Variants in SRMS observed in about 807,000 individuals in gnomAD.
SRMS encodes src-related kinase lacking C-terminal regulatory tyrosine and N-terminal myristylation sites.
SRMS carries 42 observed loss-of-function variants against 43.5 expected under a neutral mutation model. The observed-to-expected ratio is 0.97, with a 90% CI of 0.75 to 1.25. SRMS has a LOEUF of 1.25. Ranked by LOEUF, SRMS falls within the 50% of genes most tolerant of loss-of-function variation. The pLI is 0.00. For synonymous variants in SRMS, 316 were observed against 308.2 expected, an observed-to-expected ratio of 1.03 and a Z score of -0.27; for missense variants, 703 against 681.0, an observed-to-expected ratio of 1.03 and a Z score of -0.36.
At chr20:63,541,042 G>T in intron 7 of SRMS, 43 bp from the exon 8 acceptor site, 2 of 1,605,246 alleles carry the variant, frequency 1.2e-6, no homozygotes, top group Non-Finnish European at 1.7e-6. Flanking sequence ...CTGCCTGGGG[G>T]TCCCTATGGA....
Position 63,547,124 on chromosome 20 carries a change from T to A in SRMS, c.340A>T (p.Thr114Ser), listed in dbSNP as rs755388451. The A allele has an allele frequency of 6.3e-7, 1 of 1,592,162 alleles. No homozygotes were observed. The highest frequency in any genetic ancestry group is 8.6e-7 in the Non-Finnish European group (1 of 1,167,146). ...ITHVAKASPE[T>S]LSDQPWYFSG... ...GGTACTCACGGTTGGTCTGAGAGCGTCTCAGGAGAAGCCTTGGCCACGTGG... is the reference window on the plus strand; with the variant it reads ...GGTACTCACGGTTGGTCTGAGAGCGACTCAGGAGAAGCCTTGGCCACGTGG... Residue 114 changes from threonine (T) to serine (S), a missense_variant, in exon 1 of 8, where the codon ACG (threonine) becomes TCG (serine). Thr to Ser is a moderately conservative substitution (Grantham distance 58). Coordinates refer to ENST00000217188, the MANE Select transcript of SRMS (RefSeq NM_080823.4).
chr20:63,543,339 G>C lies in SRMS; in HGVS notation c.620C>G (p.Pro207Arg), dbSNP rs371078120. ...CTGGGGCATGCAGGGCTGCAGCAGG[G>C]GGTTCTGGATCAGCTTCCAGTTGGC... Reference protein sequence around the residue: ...YKANWKLIQNPLLQPCMPQKA... With the variant: ...YKANWKLIQNRLLQPCMPQKA... Residue 207 changes from proline to arginine, a missense_variant, in exon 3 of 8, where the codon CCC (proline) becomes CGC (arginine). By Grantham distance (103) the Pro-to-Arg change is moderately radical. Coordinates refer to ENST00000217188, the MANE Select transcript of SRMS (RefSeq NM_080823.4). 22 of 1,612,592 alleles carry C rather than the reference G, an allele frequency of 1.4e-5. No homozygotes were observed. Among genetic ancestry groups the C allele is most frequent in the Non-Finnish European group, 1.6e-5 (19 of 1,179,954 alleles).
chr20:63,543,670 GC>G, intron 2 of SRMS, 190 bp from the exon 3 acceptor site: 1 of 643,272 alleles, frequency 1.6e-6, no homozygotes, highest in Non-Finnish European at 2.6e-6. Flanking sequence ...AGCGAGAGCG[GC>G]CCAGGTTGGA....
At chr20:63,542,811 G>A (rs900369874) in intron 3 of SRMS, among the ~76,000 whole-genome samples, 9 of 152,150 alleles carry the variant, frequency 5.9e-5, no homozygotes, top group Non-Finnish European at 1.0e-4. Context: ...CCGGATATCC[G>A]TCTACACATG....
Position 63,542,451 on chromosome 20 carries a change from A to G in SRMS, c.776T>C (p.Val259Ala), listed in dbSNP as rs1332103640. 5 of 1,611,408 alleles carry G rather than the reference A, an allele frequency of 3.1e-6. No homozygotes were observed. Among genetic ancestry groups the G allele is most frequent in the Non-Finnish European group, 3.4e-6 (4 of 1,179,348 alleles). Residue 259 changes from valine (V) to alanine (A), a missense_variant, in exon 4 of 8, where the codon GTC becomes GCC. Val to Ala is a moderately conservative substitution (Grantham distance 64). Transcript: ENST00000217188. Reference sequence around the variant, plus strand: ...TCTCGGGGCCTCACCTGACTTGATGACCTTGATCGCCACGGGCAGGGAGCC... The same window carrying G: ...TCTCGGGGCCTCACCTGACTTGATGGCCTTGATCGCCACGGGCAGGGAGCC... ...WLGSLPVAIK[V>A]IKSANMKLTD...
At chr20:63,544,030 A>ATGAG (rs1425396777) in intron 2 of SRMS, among the ~76,000 whole-genome samples, 197 bp downstream of exon 2, 1 of 152,274 alleles carries the variant, frequency 6.6e-6, no homozygotes, top group Non-Finnish European at 1.5e-5. Flanking sequence ...GACTGAATGA[A>ATGAG]TGAGTGGGTG....
rs201488520 is a variant in SRMS, at chr20:63,542,186, C to T, written c.923G>A (p.Gly308Glu). 16 of 1,610,834 alleles carry T rather than the reference C, an allele frequency of 9.9e-6. No homozygotes were observed. The East Asian group carries it at 3.6e-4, about 36-fold the overall frequency. The part of the protein sequence containing the change: ...VYIVTELMRK[G>E]NLQAFLGTPE... ...ACTGCCCAGGAAGGCCTGCAGGTTCCCCTTGCGCATGAGTTCCGTGACGAT... is the reference window on the plus strand; with the variant it reads ...ACTGCCCAGGAAGGCCTGCAGGTTCTCCTTGCGCATGAGTTCCGTGACGAT... Residue 308 changes from glycine to glutamate, a missense_variant, in exon 5 of 8, where the codon GGG (glycine) becomes GAG (glutamate). Coordinates refer to ENST00000217188, the MANE Select transcript of SRMS (RefSeq NM_080823.4).
At position 63,538,747 on chromosome 20, in the gene SRMS, G is replaced by A. The variant is rs1025234871; in HGVS notation, c.*2071C>T. Among the ~76,000 whole-genome samples the A allele has an allele frequency of 6.6e-6, 1 of 151,654 alleles. No individual in the cohort carries two copies. The highest frequency in any genetic ancestry group is 2.4e-5 in the African/African-American group (1 of 41,236). ...GGGGGGTGGGGAATGCGGAAGGAGGGTGCCGGGGCACCTGGCCGGGCAGCG... is the reference window on the plus strand; with the variant it reads ...GGGGGGTGGGGAATGCGGAAGGAGGATGCCGGGGCACCTGGCCGGGCAGCG... On this transcript the variant is annotated 3_prime_UTR_variant, in exon 8 of 8. Coordinates refer to ENST00000217188, the MANE Select transcript of SRMS (RefSeq NM_080823.4).
At position 63,542,146 on chromosome 20, in the gene SRMS, G is replaced by GCAGGGAGGGGACTCACTGCC; in HGVS notation, c.943_946+16dup. 1 of 1,598,742 alleles carries GCAGGGAGGGGACTCACTGCC rather than the reference G, an allele frequency of 6.3e-7. No homozygotes were observed. The highest frequency in any genetic ancestry group is 1.7e-4 in the Middle Eastern group (1 of 6,016). On this transcript the variant is annotated intron_variant, in intron 5 of 7. Transcript: ENST00000217188. ...GCAGGCGCGTCAGGGCCACGTGGCA[G>GCAGGGAGGGGACTCACTGCC]CAGGGAGGGGACTCACTGCCCAGGA...
At position 63,543,193 on chromosome 20, in the gene SRMS, C is replaced by T. The variant is rs754956904; in HGVS notation, c.645+121G>A. The stretch of plus-strand genomic sequence containing the variant: ...ATGCTCCGATGCTCCCAGGCCTGGG[C>T]AGGGCCCTGGAGCTGCGCCTCTGAC... On this transcript the variant is annotated intron_variant, in intron 3 of 7. Transcript: ENST00000217188. 83 of 1,235,520 alleles carry T rather than the reference C, an allele frequency of 6.7e-5. No homozygotes were observed. The Middle Eastern group carries it at 2.5e-3, about 37-fold the overall frequency. The allele number at this position is 1,235,520 out of a possible 1,614,324, so 76.5% of individuals were successfully genotyped here.
chr20:63,541,306 G>C lies in SRMS; in HGVS notation c.1170C>G (p.Val390=), dbSNP rs780170231. ...TGGCCGCCTCAGGCGCTGTCCACTT[G>C]ACCGGGATCTTGGAGCTGCTGCTCG... is the stretch of plus-strand genomic sequence containing the variant. ...YSPSSSSKIP[V]KWTAPEAANY... Residue 390 remains valine (V), a synonymous_variant, in exon 7 of 8, where the codon GTC becomes GTG. Coordinates refer to ENST00000217188, the MANE Select transcript of SRMS (RefSeq NM_080823.4). 1 of 1,551,236 alleles carries C rather than the reference G, an allele frequency of 6.4e-7. No individual in the cohort carries two copies. Among genetic ancestry groups the C allele is most frequent in the Non-Finnish European group, 8.7e-7 (1 of 1,150,918 alleles).
rs190884729 is a variant in SRMS at position 63,547,100 on chromosome 20, G to T, written c.356+8C>A. On this transcript the variant is annotated splice_region_variant and intron_variant, in intron 1 of 7. Transcript: ENST00000217188. ...GGCAGGCTCTGACTCCGAGGCCGAG[G>T]TACTCACGGTTGGTCTGAGAGCGTC... The T allele has an allele frequency of 1.3e-6, 2 of 1,539,760 alleles. No homozygotes were observed. Among genetic ancestry groups the T allele is most frequent in the Admixed American group, 3.9e-5 (2 of 51,318 alleles).
At chr20:63,543,271 G>T (rs2082713754) in intron 3 of SRMS, 43 bp downstream of exon 3, 7 of 1,602,030 alleles carry the variant, frequency 4.4e-6, no homozygotes, top group Admixed American at 1.7e-5. Context: ...ACAGGGCCAT[G>T]CCTCGGGCCC....
Position 63,541,309 on chromosome 20 carries a change from C to T in SRMS, c.1167G>A (p.Pro389=), listed in dbSNP as rs56007344. The T allele has an allele frequency of 1.7e-4, 268 of 1,549,628 alleles. 4 individuals carry two copies. The East Asian group carries it at 3.4e-3, about 20-fold the overall frequency. ...IYSPSSSSKI[P]VKWTAPEAAN... ...CCGCCTCAGGCGCTGTCCACTTGAC[C>T]GGGATCTTGGAGCTGCTGCTCGGGG... is the stretch of plus-strand genomic sequence containing the variant. The change falls in exon 7 of 8, where the codon CCG becomes CCA. Residue 389 remains proline (P), a synonymous_variant. Transcript: ENST00000217188.
At chr20:63,542,690 A>C in intron 3 of SRMS, 109 bp from the exon 4 acceptor site, 1 of 1,315,846 alleles carries the variant, frequency 7.6e-7, no homozygotes, top group Admixed American at 3.0e-5. Flanking sequence ...CCCAGCACAC[A>C]CTCACCCCAC....
At chr20:63,544,690 C>T (rs539830120) in intron 1 of SRMS, among the ~76,000 whole-genome samples, 6 of 152,382 alleles carry the variant, frequency 3.9e-5, no homozygotes, top group East Asian at 1.9e-4. Flanking sequence ...AACTCGGCTT[C>T]GCTGAGCCCC....
chr20:63,541,515 A>C lies in SRMS; in HGVS notation c.1052T>G (p.Leu351Trp). 6.2e-7 allele frequency: 1 copy of C among 1,606,078 alleles called. No homozygotes were observed. Among genetic ancestry groups the C allele is most frequent in the Non-Finnish European group, 8.5e-7 (1 of 1,177,838 alleles). ...LEEQRVVHRD[L>W]AARNVLVDDG... ...GTCCACGAGCACGTTCCGGGCGGCCAAGTCCCGGTGCACAACGCGCTGCTC... is the reference window on the plus strand; with the variant it reads ...GTCCACGAGCACGTTCCGGGCGGCCCAGTCCCGGTGCACAACGCGCTGCTC... The change falls in exon 6 of 8, where the codon TTG becomes TGG. Residue 351 changes from leucine (L) to tryptophan (W), a missense_variant. Transcript: ENST00000217188.
In SRMS at chr20:63,542,501, C is replaced by T. The variant is rs777953711; in HGVS notation, c.726G>A (p.Gly242=). The T allele has an allele frequency of 2.5e-6, 4 of 1,612,634 alleles. No homozygotes were observed. The highest frequency in any genetic ancestry group is 3.3e-5 in the Admixed American group (2 of 59,990). ...CCAGCCACAGGCCTTCCCACACCTCCCCAAAGTAGCCTTCACCCAGCTTCC... is the reference window on the plus strand; with the variant it reads ...CCAGCCACAGGCCTTCCCACACCTCTCCAAAGTAGCCTTCACCCAGCTTCC... ...LGRKLGEGYF[G]EVWEGLWLGS... Residue 242 remains glycine, a synonymous_variant, in exon 4 of 8, where the codon GGG becomes GGA. Transcript: ENST00000217188.
At chr20:63,543,668 C>T (rs563211728) in intron 2 of SRMS, 188 bp from the exon 3 acceptor site, 7 of 659,484 alleles carry the variant, frequency 1.1e-5, no homozygotes, top group African/African-American at 1.8e-5. Flanking sequence ...GCAGCGAGAG[C>T]GGCCCAGGTT....
Sources: allele counts gnomAD v4.1 joint callset (sites outside exome capture counted in the v4.1 genomes callset), GRCh38; gene constraint gnomAD v4.1.1; transcripts MANE v1.5; gene names NCBI Gene and HGNC (gene_info 2026-07-23, HGNC 2026-07-21).